Variants in CSNK2A2IP observed in about 807,000 individuals in gnomAD.
CSNK2A2IP encodes casein kinase 2 subunit alpha' interacting protein.
chr3:88,417,625 C>G, the CSNK2A2IP span, among the ~76,000 whole-genome samples: 1 of 152,170 alleles, frequency 6.6e-6, no homozygotes, highest in African/African-American at 2.4e-5. Flanking sequence ...GTATGACAGG[C>G]AATCTAAACA....
chr3:88,363,052 T>G, the CSNK2A2IP span, among the ~76,000 whole-genome samples: 1 of 151,974 alleles, frequency 6.6e-6, no homozygotes, highest in Admixed American at 6.6e-5. Context: ...TGGCAATGAG[T>G]TCCAAAGCAA....
At chr3:88,442,369 G>A in the CSNK2A2IP span, among the ~76,000 whole-genome samples, 1 of 149,842 alleles carries the variant, frequency 6.7e-6, no homozygotes, top group East Asian at 2.2e-4. Flanking sequence ...TCAAATACAT[G>A]TCAATATTTT....
the CSNK2A2IP span, among the ~76,000 whole-genome samples, chr3:88,453,952 G>A: frequency 5.3e-5 from 8 of 152,134 alleles, no homozygotes; most frequent in African/African-American, 1.9e-4. Flanking sequence ...GTAAATAAAA[G>A]GAGTGGAATG....
chr3:88,416,095 A>G, the CSNK2A2IP span, among the ~76,000 whole-genome samples: 3 of 151,704 alleles, frequency 2.0e-5, no homozygotes, highest in Admixed American at 6.6e-5. Context: ...ACATGGTGAA[A>G]TCCCGTCTCT....
the CSNK2A2IP span, among the ~76,000 whole-genome samples, chr3:88,448,686 C>T: frequency 6.6e-6 from 1 of 152,206 alleles, no homozygotes; most frequent in African/African-American, 2.4e-5. Context: ...ATACTAAACT[C>T]CAGCTTTTGC....
chr3:88,393,817 AC>A, the CSNK2A2IP span, among the ~76,000 whole-genome samples: 1 of 152,234 alleles, frequency 6.6e-6, no homozygotes, highest in Non-Finnish European at 1.5e-5. Flanking sequence ...CCAGAAAGGA[AC>A]AATGTGGTCT....
At chr3:88,429,027 T>C in the CSNK2A2IP span, among the ~76,000 whole-genome samples, 1 of 92,706 alleles carries the variant, frequency 1.1e-5, no homozygotes, top group East Asian at 2.9e-4. Context: ...TGATTTTAGA[T>C]ATGGGGTTTC....
the CSNK2A2IP span, among the ~76,000 whole-genome samples, chr3:88,406,113 A>C: frequency 6.6e-6 from 1 of 152,138 alleles, no homozygotes; most frequent in East Asian, 1.9e-4. Flanking sequence ...CTTTTGTATT[A>C]TATATAAACA....
chr3:88,410,772 T>C, the CSNK2A2IP span, among the ~76,000 whole-genome samples: 1 of 152,142 alleles, frequency 6.6e-6, no homozygotes, highest in African/African-American at 2.4e-5. Flanking sequence ...CAGTGAGTTC[T>C]TATCACAGTG....
At chr3:88,445,227 AAGACCAGCCTGGCC>A in the CSNK2A2IP span, among the ~76,000 whole-genome samples, 1 of 144,688 alleles carries the variant, frequency 6.9e-6, no homozygotes, top group Non-Finnish European at 1.5e-5. Flanking sequence ...TCAGGAGTTC[AAGACCAGCCTGGCC>A]AACATGGTGA....
the CSNK2A2IP span, among the ~76,000 whole-genome samples, chr3:88,433,611 G>A: frequency 6.6e-6 from 1 of 151,974 alleles, no homozygotes; most frequent in African/African-American, 2.4e-5. Context: ...GATTTGAGCA[G>A]GAAATAAATT....
the CSNK2A2IP span, among the ~76,000 whole-genome samples, chr3:88,369,897 G>A: frequency 6.6e-6 from 1 of 151,920 alleles, no homozygotes; most frequent in Non-Finnish European, 1.5e-5. Context: ...AAAAGGGTGA[G>A]CCTTTAAATC....
chr3:88,451,183 G>C, the CSNK2A2IP span, among the ~76,000 whole-genome samples: 5 of 152,012 alleles, frequency 3.3e-5, no homozygotes, highest in African/African-American at 1.2e-4. Context: ...TCCTAAAAAA[G>C]GGGGAAATTA....
chr3:88,347,321 A>T, the CSNK2A2IP span, among the ~76,000 whole-genome samples: 1 of 152,146 alleles, frequency 6.6e-6, no homozygotes, highest in East Asian at 1.9e-4. Flanking sequence ...ATTTTGGAAG[A>T]AGTTCTAATG....
the CSNK2A2IP span, among the ~76,000 whole-genome samples, chr3:88,411,301 A>G: frequency 6.6e-6 from 1 of 151,868 alleles, no homozygotes; most frequent in African/African-American, 2.4e-5. Context: ...TACAGTGTCT[A>G]CAAGTGACAT....
chr3:88,373,734 A>G, the CSNK2A2IP span, among the ~76,000 whole-genome samples: 1 of 151,458 alleles, frequency 6.6e-6, no homozygotes, highest in African/African-American at 2.4e-5. Context: ...AAATAAAAAA[A>G]CTTGATAACT....
the CSNK2A2IP span, among the ~76,000 whole-genome samples, chr3:88,426,266 A>T: frequency 6.6e-6 from 1 of 152,188 alleles, no homozygotes; most frequent in Admixed American, 6.5e-5. Context: ...CTTAATGCCA[A>T]GAGTTAGAAG....
chr3:88,362,241 T>A, the CSNK2A2IP span, among the ~76,000 whole-genome samples: 1 of 152,118 alleles, frequency 6.6e-6, no homozygotes. Flanking sequence ...CTGTCCTTCT[T>A]AAGAGAGCTT....
the CSNK2A2IP span, among the ~76,000 whole-genome samples, chr3:88,443,450 G>A: frequency 6.6e-6 from 1 of 152,166 alleles, no homozygotes; most frequent in South Asian, 2.1e-4. Flanking sequence ...AAAGAGAAAA[G>A]GTCAGGCAGA....
Sources: gnomAD v4.1 joint callset for allele counts (sites outside exome capture counted in the v4.1 genomes callset) on GRCh38, gnomAD v4.1.1 for gene constraint, MANE v1.5 for transcripts, NCBI Gene and HGNC (gene_info 2026-07-23, HGNC 2026-07-21) for gene names.